The following DNASE1 variants were observed in gnomAD, a reference collection of about 807,000 sequenced individuals.
DNASE1 encodes the protein deoxyribonuclease 1.
In DNASE1, 40 loss-of-function variants were observed where a neutral mutation model predicts 33.9. The ratio of observed to expected loss-of-function variants is 1.18; its 90% CI spans 0.92 to 1.54. DNASE1 has a LOEUF of 1.54. DNASE1 is among the 40% of genes most tolerant of loss of function. The pLI is 0.00. For missense variants in DNASE1, 518 were observed against 372.6 expected (o/e 1.39, Z -3.21); for synonymous variants, 216 against 160.0 (o/e 1.35, Z -2.64).
upstream of DNASE1, chr16:3,640,743 A>G (rs1013732830): frequency 2.5e-6 from 1 of 398,598 alleles, no homozygotes. Context: ...GAACAGCAAG[A>G]TGGCAAAAGC....
intron 1 of DNASE1, among the ~76,000 whole-genome samples, chr16:3,645,929 C>T (rs1254550383): frequency 6.6e-6 from 1 of 152,154 alleles, no homozygotes; most frequent in Non-Finnish European, 1.5e-5. Flanking sequence ...AACACTGTCA[C>T]GGCAAAGACA....
chr16:3,619,234 C>T (rs1296006836), intron 1 of DNASE1, among the ~76,000 whole-genome samples: 2 of 151,910 alleles, frequency 1.3e-5, no homozygotes, highest in African/African-American at 4.8e-5. Flanking sequence ...AAGGGTTTTG[C>T]CATGTTGCCC....
chr16:3,644,626 T>C (rs1459658774), intron 1 of DNASE1, among the ~76,000 whole-genome samples: 2 of 151,094 alleles, frequency 1.3e-5, no homozygotes, highest in East Asian at 2.0e-4. Flanking sequence ...TCCCAGCTAC[T>C]TGAGAGACTG....
At chr16:3,624,517 G>A (rs1596566235) in intron 1 of DNASE1, among the ~76,000 whole-genome samples, 2 of 152,262 alleles carry the variant, frequency 1.3e-5, no homozygotes, top group South Asian at 2.1e-4. Context: ...GGCTGAAGCT[G>A]TTCCCATAAG....
upstream of DNASE1, chr16:3,641,096 A>T: frequency 2.5e-6 from 1 of 397,438 alleles, no homozygotes; most frequent in Non-Finnish European, 4.4e-6. Flanking sequence ...GGCCCCATCC[A>T]CAGCTGCAGC....
At chr16:3,662,880 A>G, downstream of DNASE1, 1 of 1,613,436 alleles carries the variant, frequency 6.2e-7, no homozygotes, top group South Asian at 1.1e-5. Context: ...GGAAAGCCTC[A>G]CCTTCACGTT....
At chr16:3,634,289 C>T (rs61559682) in intron 1 of DNASE1, among the ~76,000 whole-genome samples, 16 of 151,848 alleles carry the variant, frequency 1.1e-4, no homozygotes, top group Middle Eastern at 3.4e-3. Context: ...AGTGCAGTGG[C>T]GCAATCTGGG....
chr16:3,630,160 G>GT (rs1389200909), intron 1 of DNASE1, among the ~76,000 whole-genome samples: 1 of 150,166 alleles, frequency 6.7e-6, no homozygotes, highest in Non-Finnish European at 1.5e-5. Context: ...TGTGTTTGTT[G>GT]TTGTTTTGTT....
chr16:3,658,970 G>T (rs1282540350), downstream of DNASE1: 5 of 1,154,734 alleles, frequency 4.3e-6, no homozygotes, highest in Non-Finnish European at 6.3e-6. Context: ...CAGTAAGACT[G>T]TCTGTAGTTT....
chr16:3,636,977 A>G (rs2041887409), intron 1 of DNASE1, among the ~76,000 whole-genome samples: 1 of 151,484 alleles, frequency 6.6e-6, no homozygotes, highest in Non-Finnish European at 1.5e-5. Flanking sequence ...TACAAAAGTT[A>G]GCTGGGCATG....
At chr16:3,634,200 G>T (rs1303298067) in intron 1 of DNASE1, among the ~76,000 whole-genome samples, 1 of 151,444 alleles carries the variant, frequency 6.6e-6, no homozygotes, top group Non-Finnish European at 1.5e-5. Context: ...GTTTGTTTTT[G>T]TTTTTGTTGT....
At chr16:3,659,791 C>T (rs530275024), downstream of DNASE1, 2 of 151,562 alleles carry the variant, frequency 1.3e-5, no homozygotes, top group South Asian at 2.1e-4. Flanking sequence ...ACTCTCACTC[C>T]TTCACCCAAG....
intron 1 of DNASE1, 65 bp from the exon 2 acceptor site, chr16:3,655,308 C>T: frequency 6.2e-7 from 1 of 1,606,858 alleles, no homozygotes; most frequent in Non-Finnish European, 8.5e-7. Context: ...CTCCAGAAGG[C>T]TGGAGTGCTG....
intron 1 of DNASE1, among the ~76,000 whole-genome samples, chr16:3,617,361 A>C (rs544435333): frequency 6.7e-6 from 1 of 150,168 alleles, no homozygotes; most frequent in Non-Finnish European, 1.5e-5. Context: ...AAAGAATACT[A>C]CAAGGGTAAA....
intron 2 of DNASE1, 91 bp downstream of exon 2, chr16:3,655,611 C>T (rs762955014): frequency 6.3e-6 from 10 of 1,586,922 alleles, no homozygotes; most frequent in East Asian, 4.5e-5. Context: ...CACAGGGTGT[C>T]GGGTGTGGGG....
downstream of DNASE1, chr16:3,662,690 C>A (rs566757082): frequency 1.7e-5 from 12 of 697,446 alleles, no homozygotes; most frequent in African/African-American, 3.5e-5. Flanking sequence ...GAGAAAGACA[C>A]GGCCTTCCTG....
intron 1 of DNASE1, among the ~76,000 whole-genome samples, chr16:3,614,274 C>G (rs1442341335): frequency 2.0e-5 from 3 of 151,886 alleles, no homozygotes; most frequent in African/African-American, 4.8e-5. Context: ...GTCTCAAACT[C>G]CTGACATCAG....
chr16:3,623,833 A>T (rs908571034), intron 1 of DNASE1, among the ~76,000 whole-genome samples: 1 of 152,230 alleles, frequency 6.6e-6, no homozygotes, highest in African/African-American at 2.4e-5. Context: ...TCATCAGAGA[A>T]ATGCAAATCA....
At chr16:3,618,658 G>A (rs1012416147) in intron 1 of DNASE1, among the ~76,000 whole-genome samples, 2 of 152,164 alleles carry the variant, frequency 1.3e-5, no homozygotes, top group Admixed American at 6.5e-5. Flanking sequence ...GAACCTGGGA[G>A]GCAGAGTTTA....
Sources: allele counts gnomAD v4.1 joint callset (sites outside exome capture counted in the v4.1 genomes callset), GRCh38; gene constraint gnomAD v4.1.1; transcripts MANE v1.5; gene names NCBI Gene and HGNC (gene_info 2026-07-23, HGNC 2026-07-21).